ATP10B: variants seen among roughly 807,000 people sequenced by gnomAD.
ATP10B encodes the protein ATPase phospholipid transporting 10B (putative), also known as phospholipid-transporting ATPase VB.
A neutral mutation model predicts 141.2 loss-of-function variants in ATP10B; 122 were observed. The ratio of observed to expected loss-of-function variants is 0.86; its 90% CI spans 0.75 to 1.00. The LOEUF (loss-of-function observed/expected upper bound fraction) is 1.00. ATP10B is among the 50% of genes least tolerant of loss of function. ATP10B has a pLI of 0.00. For synonymous variants in ATP10B, 685 were observed against 692.0 expected (o/e 0.99, Z 0.16); for missense variants, 1,876 against 1,825.3 (o/e 1.03, Z -0.51).
the ATP10B span, among the ~76,000 whole-genome samples, chr5:160,859,512 C>T: frequency 6.6e-6 from 1 of 151,634 alleles, no homozygotes; most frequent in Admixed American, 6.6e-5. Context: ...TCCCCATAAT[C>T]CCCCTTCAAA....
At chr5:160,914,299 T>A in the ATP10B span, among the ~76,000 whole-genome samples, 1 of 152,132 alleles carries the variant, frequency 6.6e-6, no homozygotes, top group Non-Finnish European at 1.5e-5. Flanking sequence ...AGTGTGTAAG[T>A]CTAATTGAGG....
chr5:160,805,866 G>T (rs560946704), intron 1 of ATP10B, among the ~76,000 whole-genome samples: 8 of 152,088 alleles, frequency 5.3e-5, no homozygotes, highest in African/African-American at 7.2e-5. Flanking sequence ...TAAGGAATCG[G>T]CTCACACAAT....
intron 1 of ATP10B, among the ~76,000 whole-genome samples, chr5:160,796,009 C>G (rs1581547392): frequency 1.3e-5 from 2 of 152,248 alleles, no homozygotes; most frequent in East Asian, 3.9e-4. Context: ...CATTCTGCCC[C>G]CTGAGTTCAG....
chr5:160,767,894 T>C (rs1206175752), intron 2 of ATP10B, among the ~76,000 whole-genome samples: 1 of 152,080 alleles, frequency 6.6e-6, no homozygotes, highest in African/African-American at 2.4e-5. Flanking sequence ...AAGATGGGTG[T>C]TTTGTGTTTG....
chr5:160,833,346 T>C (rs1011841668), intron 1 of ATP10B, among the ~76,000 whole-genome samples: 4 of 152,180 alleles, frequency 2.6e-5, no homozygotes, highest in African/African-American at 9.6e-5. Flanking sequence ...TGCCTTCAAA[T>C]TGTTTGATGG....
chr5:160,760,186 C>T (rs543891635), intron 2 of ATP10B, among the ~76,000 whole-genome samples: 2 of 152,272 alleles, frequency 1.3e-5, no homozygotes, highest in East Asian at 3.9e-4. Flanking sequence ...GAATATAAGC[C>T]AACACCTTTA....
Position 160,782,438 on chromosome 5 carries a change from T to TACACACACACACACACACAC in ATP10B, c.-331+3101_-331+3120dup, listed in dbSNP as rs57112303. ...ACTTTGTTCCCATTTTCTTCCTCCA[T>TACACACACACACACACACAC]ACACACACACACACACACACACACA... On this transcript the variant is annotated intron_variant, in intron 2 of 25. Transcript: ENST00000327245. Among the ~76,000 whole-genome samples the TACACACACACACACACACAC allele has an allele frequency of 1.4e-5, 2 of 141,078 alleles. 1 individual carries two copies. The highest frequency in any genetic ancestry group is 3.1e-5 in the Non-Finnish European group (2 of 65,030). The allele number at this position is 141,078 out of a possible 152,430, so 92.6% of individuals were successfully genotyped here. A position where few individuals can be genotyped will look rare whatever the true frequency, so the allele number is the denominator to read the frequency against.
intron 17 of ATP10B, chr5:160,614,128 G>T (rs1431184660): frequency 6.6e-6 from 1 of 152,028 alleles, no homozygotes; most frequent in African/African-American, 2.4e-5. Context: ...ATCCTGAAAT[G>T]TGCCTGTTTT....
the ATP10B span, among the ~76,000 whole-genome samples, chr5:160,873,279 A>G: frequency 6.6e-6 from 1 of 152,162 alleles, no homozygotes; most frequent in East Asian, 1.9e-4. Flanking sequence ...ACAAAAACCT[A>G]TGGTTAACAT....
At chr5:160,617,725 T>G (rs1222794942) in intron 16 of ATP10B, 139 bp downstream of exon 16, 2 of 745,092 alleles carry the variant, frequency 2.7e-6, no homozygotes, top group Admixed American at 5.8e-5. Context: ...CTTGGGTTTT[T>G]GTGGCAAGTC....
the ATP10B span, among the ~76,000 whole-genome samples, chr5:160,866,903 T>C: frequency 3.3e-5 from 5 of 152,046 alleles, no homozygotes; most frequent in African/African-American, 1.2e-4. Context: ...GCAAGAGATT[T>C]ATGTGAACAA....
rs531648251 is a variant in ATP10B, at chr5:160,594,960, T to C, written c.3564+3810A>G. On this transcript the variant is annotated intron_variant, in intron 22 of 25. Transcript: ENST00000327245. Reference sequence around the variant, plus strand: ...ATAATAGTGGGAGACTTTAACACCCTACTGTCAACATTAGACAGATCAATG... The same window carrying C: ...ATAATAGTGGGAGACTTTAACACCCCACTGTCAACATTAGACAGATCAATG... 8.4e-3 allele frequency among the ~76,000 whole-genome samples: 1,277 copies of C among 152,252 alleles called. 19 individuals are homozygous for C. The highest frequency in any genetic ancestry group is 0.028 in the African/African-American group (1,168 of 41,538).
chr5:160,644,215 A>G lies in ATP10B; in HGVS notation c.791T>C (p.Phe264Ser), dbSNP rs1250868119. Reference sequence around the variant, plus strand: ...TCGAAGCAGAAGACTCTCACAGCCAAAGCCAGTCCTGGTCTGGTCAGGATG... The same window carrying G: ...TCGAAGCAGAAGACTCTCACAGCCAGAGCCAGTCCTGGTCTGGTCAGGATG... ...MEHPDQTRTG[F>S]GCESLLLRGC... Residue 264 changes from phenylalanine (F) to serine (S), a missense_variant, in exon 9 of 26, where the codon TTT (phenylalanine) becomes TCT (serine). Transcript: ENST00000327245. 9.3e-6 allele frequency: 15 copies of G among 1,613,910 alleles called. No individual in the cohort carries two copies. The Admixed American group carries it at 2.5e-4, about 27-fold the overall frequency.
chr5:160,794,189 A>G (rs756003393), intron 1 of ATP10B, among the ~76,000 whole-genome samples: 19 of 152,198 alleles, frequency 1.2e-4, no homozygotes, highest in Non-Finnish European at 1.8e-4. Context: ...GAACACAGTA[A>G]TGAATTAGAC....
chr5:160,778,491 T>C (rs912387319), intron 2 of ATP10B, among the ~76,000 whole-genome samples: 1 of 152,128 alleles, frequency 6.6e-6, no homozygotes, highest in Non-Finnish European at 1.5e-5. Context: ...GTTTTCCCCC[T>C]CTTTTTTAAG....
chr5:160,783,463 C>A (rs1235036746), intron 2 of ATP10B, among the ~76,000 whole-genome samples: 4 of 118,150 alleles, frequency 3.4e-5, no homozygotes, highest in Non-Finnish European at 6.9e-5. Flanking sequence ...ATATATATAT[C>A]ATATATATAT....
chr5:160,817,366 CAG>C (rs1184395741), intron 1 of ATP10B, among the ~76,000 whole-genome samples: 1 of 152,104 alleles, frequency 6.6e-6, no homozygotes, highest in South Asian at 2.1e-4. Context: ...AACAGACAAA[CAG>C]AGAGCCAAAT....
At chr5:160,609,282 G>C (rs1307105362) in intron 18 of ATP10B, among the ~76,000 whole-genome samples, 2 of 151,966 alleles carry the variant, frequency 1.3e-5, no homozygotes, top group Non-Finnish European at 2.9e-5. Context: ...TACAGATTTT[G>C]GAAAAAACTG....
At chr5:160,888,584 C>G in the ATP10B span, among the ~76,000 whole-genome samples, 60 of 152,170 alleles carry the variant, frequency 3.9e-4, no homozygotes, top group African/African-American at 1.4e-3. Flanking sequence ...GTTCTTCTCT[C>G]TGGAATCAAG....
Sources: allele counts gnomAD v4.1 joint callset (sites outside exome capture counted in the v4.1 genomes callset), GRCh38; gene constraint gnomAD v4.1.1; transcripts MANE v1.5; gene names NCBI Gene and HGNC (gene_info 2026-07-23, HGNC 2026-07-21).